FILIP1: variants seen among roughly 807,000 people sequenced by gnomAD.
The protein encoded by FILIP1 is filamin-A-interacting protein 1.
A neutral mutation model predicts 102.1 loss-of-function variants in FILIP1; 61 were observed. The observed-to-expected ratio is 0.60, with a 90% CI of 0.49 to 0.74. FILIP1 has a LOEUF of 0.74. Among genes scored for constraint, FILIP1 ranks in the 30% least tolerant of loss-of-function variants. The pLI, the probability that FILIP1 is intolerant of heterozygous loss-of-function variation, is 0.00. For missense variants in FILIP1, 1,314 were observed against 1,441.2 expected (o/e 0.91, Z 1.43); for synonymous variants, 491 against 526.9 (o/e 0.93, Z 0.93).
intron 1 of FILIP1, among the ~76,000 whole-genome samples, chr6:75,442,066 C>G (rs1778275430): frequency 6.6e-6 from 1 of 151,734 alleles, no homozygotes; most frequent in Non-Finnish European, 1.5e-5. Flanking sequence ...AGGGGCTCCT[C>G]ACTTCTCAGA....
intron 1 of FILIP1, among the ~76,000 whole-genome samples, chr6:75,451,768 A>G (rs1778640452): frequency 6.6e-6 from 1 of 152,110 alleles, no homozygotes; most frequent in Non-Finnish European, 1.5e-5. Flanking sequence ...CAGGAAGCGG[A>G]GATTCCAGTG....
At chr6:75,389,718 C>T (rs1336236551) in intron 2 of FILIP1, among the ~76,000 whole-genome samples, 1 of 151,920 alleles carries the variant, frequency 6.6e-6, no homozygotes, top group Non-Finnish European at 1.5e-5. Flanking sequence ...AAGTGTTGAT[C>T]TCCCCTTTAT....
chr6:75,392,884 T>C (rs1776326816), intron 2 of FILIP1, among the ~76,000 whole-genome samples: 1 of 152,200 alleles, frequency 6.6e-6, no homozygotes. Flanking sequence ...CCATGTAAGA[T>C]GTGACTTGCT....
At chr6:75,486,700 GTAAAATAGTGA>G (rs1368716865) in intron 1 of FILIP1, among the ~76,000 whole-genome samples, 1 of 152,046 alleles carries the variant, frequency 6.6e-6, no homozygotes, top group Non-Finnish European at 1.5e-5. Context: ...TTCCTAATCT[GTAAAATAGTGA>G]TAAAAATAGT....
intron 4 of FILIP1, among the ~76,000 whole-genome samples, chr6:75,326,126 T>A (rs9352206): frequency 1.3e-5 from 2 of 149,542 alleles, no homozygotes. Context: ...TAGATAGATA[T>A]ACACACACAC....
At chr6:75,448,696 A>G (rs1381386296) in intron 1 of FILIP1, among the ~76,000 whole-genome samples, 9 of 152,172 alleles carry the variant, frequency 5.9e-5, no homozygotes, top group African/African-American at 1.9e-4. Flanking sequence ...TGAATGGACA[A>G]TTCTCAAAAG....
At chr6:75,481,279 G>A (rs921336964) in intron 1 of FILIP1, among the ~76,000 whole-genome samples, 6 of 152,134 alleles carry the variant, frequency 3.9e-5, no homozygotes, top group African/African-American at 9.7e-5. Context: ...TCCCTAGCTC[G>A]GTGCCTGAAA....
chr6:75,469,052 T>A (rs1779257273), intron 1 of FILIP1, among the ~76,000 whole-genome samples: 1 of 151,988 alleles, frequency 6.6e-6, no homozygotes, highest in Non-Finnish European at 1.5e-5. Context: ...AATATTATAA[T>A]AATAAGGAAG....
chr6:75,344,787 A>C (rs761843890), intron 4 of FILIP1, among the ~76,000 whole-genome samples: 1 of 152,214 alleles, frequency 6.6e-6, no homozygotes, highest in Non-Finnish European at 1.5e-5. Context: ...CAAATCAGGA[A>C]CTTAAGAGTT....
At chr6:75,439,830 C>A (rs1778148903) in intron 1 of FILIP1, among the ~76,000 whole-genome samples, 1 of 152,108 alleles carries the variant, frequency 6.6e-6, no homozygotes, top group Non-Finnish European at 1.5e-5. Flanking sequence ...ACAAATTAGG[C>A]CATTGTTAAG....
chr6:75,322,426 T>C (rs7766441), intron 4 of FILIP1, among the ~76,000 whole-genome samples: 101,963 of 151,956 alleles, frequency 0.67, 34,373 homozygotes, highest in Middle Eastern at 0.76. Context: ...GCCTTGATTC[T>C]AAATATATTA....
rs116686510 is a variant in FILIP1, at chr6:75,350,481, A to C, written c.629+3058T>G. Among the ~76,000 whole-genome samples, 337 of 151,888 alleles carry C rather than the reference A, an allele frequency of 2.2e-3. 2 individuals carry two copies. The highest frequency in any genetic ancestry group is 7.8e-3 in the African/African-American group (324 of 41,388). ...AGAGGCTGTTGTAATTGTTTTAATA[A>C]AATTAAACAACTTCTATGAGAGAGG... On this transcript the variant is annotated intron_variant, in intron 4 of 5. Transcript: ENST00000237172.
chr6:75,420,738 A>G (rs1426065728), intron 1 of FILIP1, among the ~76,000 whole-genome samples: 3 of 152,022 alleles, frequency 2.0e-5, no homozygotes, highest in Non-Finnish European at 4.4e-5. Context: ...AACATGTGCC[A>G]TTTCTCCTTC....
At chr6:75,393,116 T>G (rs1284414893) in intron 2 of FILIP1, among the ~76,000 whole-genome samples, 1 of 152,180 alleles carries the variant, frequency 6.6e-6, no homozygotes, top group African/African-American at 2.4e-5. Flanking sequence ...AGGTTCACAT[T>G]GACTCAGAAA....
rs148845432 is a variant in FILIP1, at chr6:75,389,362, G to C, written c.276+25335C>G. ...TTCTGTTGTGTCTCTGCCAGGTTTTGTTATCAGAATGATGGTGGCCTCATA... is the reference window on the plus strand; with the variant it reads ...TTCTGTTGTGTCTCTGCCAGGTTTTCTTATCAGAATGATGGTGGCCTCATA... On this transcript the variant is annotated intron_variant, in intron 2 of 5. Coordinates refer to ENST00000237172, the MANE Select transcript of FILIP1 (RefSeq NM_015687.5). 2.4e-4 allele frequency among the ~76,000 whole-genome samples: 37 copies of C among 152,288 alleles called. No individual in the cohort carries two copies. In the East Asian group the frequency reaches 7.1e-3, roughly 29 times the overall value.
chr6:75,360,355 G>A (rs1775135749), intron 3 of FILIP1, among the ~76,000 whole-genome samples: 1 of 152,162 alleles, frequency 6.6e-6, no homozygotes, highest in African/African-American at 2.4e-5. Flanking sequence ...ATAATTGCAT[G>A]TGTCCTAATA....
chr6:75,417,565 T>C (rs948020923), intron 1 of FILIP1, among the ~76,000 whole-genome samples: 2 of 152,224 alleles, frequency 1.3e-5, no homozygotes, highest in Non-Finnish European at 2.9e-5. Flanking sequence ...GTGACATTTA[T>C]ACTCTTCATA....
chr6:75,318,589 T>C (rs978320354), intron 4 of FILIP1, among the ~76,000 whole-genome samples: 3 of 152,302 alleles, frequency 2.0e-5, no homozygotes, highest in Non-Finnish European at 2.9e-5. Context: ...ATAAAAAAGT[T>C]ATATTTACTT....
intron 2 of FILIP1, among the ~76,000 whole-genome samples, chr6:75,392,710 C>T (rs1776316929): frequency 6.6e-6 from 1 of 152,136 alleles, no homozygotes; most frequent in Admixed American, 6.6e-5. Context: ...TATTGTAGCT[C>T]CCATAATTCC....
Sources: allele counts gnomAD v4.1 joint callset (sites outside exome capture counted in the v4.1 genomes callset), GRCh38; gene constraint gnomAD v4.1.1; transcripts MANE v1.5; gene names NCBI Gene and HGNC (gene_info 2026-07-23, HGNC 2026-07-21).